WRNIP1: variants seen among roughly 807,000 people sequenced by gnomAD.
WRNIP1 encodes the protein WRN helicase interacting protein 1, also known as ATPase WRNIP1.
WRNIP1 carries 41 observed loss-of-function variants against 56.1 expected under a neutral mutation model. That is an observed-to-expected ratio of 0.73 (90% confidence interval 0.57 to 0.95). The LOEUF (loss-of-function observed/expected upper bound fraction) is 0.95. Ranked by LOEUF, WRNIP1 falls within the 40% of genes least tolerant of loss-of-function variation. The probability of loss-of-function intolerance (pLI) is 0.00; values close to 1 mark genes in which losing one functional copy is unlikely to be tolerated. For missense variants in WRNIP1, 1,170 were observed against 939.4 expected (o/e 1.25, Z -3.21); for synonymous variants, 547 against 398.1 (o/e 1.37, Z -4.45).
rs771065447 is a variant in WRNIP1 at position 2,770,381 on chromosome 6, C to A, written c.1256+20C>A. 1 of 1,613,440 alleles carries A rather than the reference C, an allele frequency of 6.2e-7. No individual in the cohort carries two copies. Among genetic ancestry groups the A allele is most frequent in the Non-Finnish European group, 8.5e-7 (1 of 1,179,678 alleles). ...CTCAGAGTAAGTTGACAGTGTGCAG[C>A]GTCCTGGGGGCACACACCTCCCAGA... On this transcript the variant is annotated intron_variant, in intron 3 of 6. Transcript: ENST00000380773.
intron 6 of WRNIP1, among the ~76,000 whole-genome samples, 188 bp downstream of exon 6, chr6:2,784,591 G>C (rs2047328354): frequency 6.6e-6 from 1 of 152,124 alleles, no homozygotes; most frequent in Non-Finnish European, 1.5e-5. Flanking sequence ...GTGTCAACGA[G>C]GTCATGTTTC....
chr6:2,785,551 T>G lies in WRNIP1; in HGVS notation c.*269T>G, dbSNP rs1420272759. 9.1e-6 allele frequency: 4 copies of G among 440,534 alleles called. No homozygotes were observed. Among genetic ancestry groups the G allele is most frequent in the Non-Finnish European group, 1.6e-5 (4 of 247,588 alleles). 27.3% of individuals were successfully genotyped at this position (440,534 alleles called of 1,614,324 possible). A position where few individuals can be genotyped will look rare whatever the true frequency, so the allele number is the denominator to read the frequency against. On this transcript the variant is annotated 3_prime_UTR_variant, in exon 7 of 7. Transcript: ENST00000380773. ...TGAATTAATGTTATAAGGAATTATC[T>G]ATTTTGTCATAGTATTTAAGTCATA...
At chr6:2,771,479 C>T (rs1765275264) in intron 3 of WRNIP1, among the ~76,000 whole-genome samples, 1 of 152,182 alleles carries the variant, frequency 6.6e-6, no homozygotes, top group African/African-American at 2.4e-5. Context: ...GACTCATACT[C>T]AGAAGTGCTT....
intron 2 of WRNIP1, 107 bp downstream of exon 2, chr6:2,768,989 A>T: frequency 8.6e-7 from 1 of 1,167,424 alleles, no homozygotes; most frequent in African/African-American, 1.6e-5. Context: ...GTTTACAAAG[A>T]AGCGTAGGCT....
rs1765687479 is a variant in WRNIP1 at position 2,785,449 on chromosome 6, G to A, written c.*167G>A. On this transcript the variant is annotated 3_prime_UTR_variant, in exon 7 of 7. Coordinates refer to ENST00000380773, the MANE Select transcript of WRNIP1 (RefSeq NM_020135.3). Reference sequence around the variant, plus strand: ...GGAGGCGCAGTTCTTTCGAATAAATGTGTAACTTTGAAATTGTGTTCATTT... The same window carrying A: ...GGAGGCGCAGTTCTTTCGAATAAATATGTAACTTTGAAATTGTGTTCATTT... 5 of 710,444 alleles carry A rather than the reference G, an allele frequency of 7.0e-6. No individual in the cohort carries two copies. The South Asian group carries it at 9.7e-5, about 14-fold the overall frequency. 44.0% of individuals were successfully genotyped at this position (710,444 alleles called of 1,614,324 possible).
rs796302493 is a variant in WRNIP1 at position 2,769,532 on chromosome 6, A to G, written c.1015-588A>G. ...TTTTTTTGTAACTTTTTAATCATAC[A>G]TAGAATATTTCACAAAACTCTACTG... is the stretch of plus-strand genomic sequence containing the variant. On this transcript the variant is annotated intron_variant, in intron 2 of 6. Transcript: ENST00000380773. 3.3e-5 allele frequency among the ~76,000 whole-genome samples: 5 copies of G among 152,274 alleles called. No homozygotes were observed. The South Asian group carries it at 8.3e-4, about 25-fold the overall frequency.
Position 2,766,033 on chromosome 6 carries a change from G to C in WRNIP1, c.411G>C (p.Lys137Asn). 1 of 1,314,522 alleles carries C rather than the reference G, an allele frequency of 7.6e-7. No individual in the cohort carries two copies. Among genetic ancestry groups the C allele is most frequent in the Non-Finnish European group, 9.7e-7 (1 of 1,034,964 alleles). 81.4% of individuals were successfully genotyped at this position (1,314,522 alleles called of 1,614,324 possible). ...PVARSSSPGR[K>N]GSGKRPAAAA... ...CCCGCTCCAGCAGCCCCGGGAGGAA[G>C]GGGTCGGGGAAGAGGCCGGCGGCCG... Residue 137 changes from lysine (K) to asparagine (N), a missense_variant, in exon 1 of 7, where the codon AAG (lysine) becomes AAC (asparagine). Coordinates refer to ENST00000380773, the MANE Select transcript of WRNIP1 (RefSeq NM_020135.3).
At chr6:2,781,305 G>A (rs1022475039) in intron 4 of WRNIP1, among the ~76,000 whole-genome samples, 3 of 152,218 alleles carry the variant, frequency 2.0e-5, no homozygotes, top group Non-Finnish European at 2.9e-5. Flanking sequence ...TAGTGCCAGC[G>A]CCTTAAGAAC....
intron 5 of WRNIP1, 60 bp downstream of exon 5, chr6:2,783,621 A>G: frequency 2.9e-6 from 2 of 693,404 alleles, no homozygotes; most frequent in Non-Finnish European, 3.6e-6. Context: ...AATGGCTAAC[A>G]GTTACATCGT....
At chr6:2,771,163 T>C (rs1326463861) in intron 3 of WRNIP1, among the ~76,000 whole-genome samples, 1 of 152,250 alleles carries the variant, frequency 6.6e-6, no homozygotes, top group Non-Finnish European at 1.5e-5. Flanking sequence ...CTGTGGACTC[T>C]GCAGCTGCTC....
intron 4 of WRNIP1, among the ~76,000 whole-genome samples, chr6:2,780,017 A>C (rs1211041244): frequency 1.3e-5 from 2 of 151,916 alleles, no homozygotes; most frequent in Non-Finnish European, 2.9e-5. Flanking sequence ...GTGTGCACTT[A>C]TCTGTTTTTG....
chr6:2,765,892 G>C lies in WRNIP1; in HGVS notation c.270G>C (p.Glu90Asp). ...LKQPATPTAA[E>D]SSEGEGEEGD... ...AGCCAGCCACCCCGACGGCAGCCGA[G>C]AGCAGCGAGGGCGAGGGTGAGGAGG... Residue 90 changes from glutamate (E) to aspartate (D), a missense_variant, in exon 1 of 7, where the codon GAG becomes GAC. Coordinates refer to ENST00000380773, the MANE Select transcript of WRNIP1 (RefSeq NM_020135.3). 3.4e-6 allele frequency: 5 copies of C among 1,453,434 alleles called. No individual in the cohort carries two copies. The highest frequency in any genetic ancestry group is 6.0e-5 in the East Asian group (2 of 33,068). 90.0% of individuals were successfully genotyped at this position (1,453,434 alleles called of 1,614,324 possible).
intron 3 of WRNIP1, among the ~76,000 whole-genome samples, chr6:2,772,698 T>C (rs975992679): frequency 2.0e-5 from 3 of 152,190 alleles, no homozygotes; most frequent in African/African-American, 4.8e-5. Context: ...TTAGGAGATA[T>C]CATAGGCCAC....
intron 4 of WRNIP1, 131 bp from the exon 5 acceptor site, chr6:2,783,275 C>A: frequency 9.6e-7 from 1 of 1,042,388 alleles, no homozygotes; most frequent in Non-Finnish European, 1.3e-6. Context: ...AAGGCAGCTG[C>A]CCAAACCTCT....
At chr6:2,783,823 T>G (rs1765641543) in intron 5 of WRNIP1, among the ~76,000 whole-genome samples, 1 of 152,130 alleles carries the variant, frequency 6.6e-6, no homozygotes, top group Non-Finnish European at 1.5e-5. Flanking sequence ...TCGGGAATGT[T>G]TTTACTAACA....
intron 4 of WRNIP1, among the ~76,000 whole-genome samples, chr6:2,783,085 C>CT (rs1554138388): frequency 6.6e-6 from 1 of 151,926 alleles, no homozygotes; most frequent in Non-Finnish European, 1.5e-5. Context: ...ACTCGTCCCC[C>CT]TCCACTCTTG....
chr6:2,770,417 G>T, intron 3 of WRNIP1, 56 bp downstream of exon 3: 1 of 1,599,996 alleles, frequency 6.3e-7, no homozygotes, highest in South Asian at 1.1e-5. Context: ...GAGTCTCCTG[G>T]CAGGGGGCCA....
chr6:2,768,022 T>C (rs1421559549), intron 1 of WRNIP1, among the ~76,000 whole-genome samples: 2 of 152,218 alleles, frequency 1.3e-5, no homozygotes, highest in Non-Finnish European at 1.5e-5. Context: ...TTAGTACTAA[T>C]AACAACATTC....
intron 3 of WRNIP1, among the ~76,000 whole-genome samples, chr6:2,777,415 G>T (rs1280445822): frequency 1.3e-5 from 2 of 152,132 alleles, no homozygotes; most frequent in African/African-American, 4.8e-5. Flanking sequence ...GATCCAATGG[G>T]GCTCCTGCTT....
Sources: gnomAD v4.1 joint callset for allele counts (sites outside exome capture counted in the v4.1 genomes callset) on GRCh38, gnomAD v4.1.1 for gene constraint, MANE v1.5 for transcripts, NCBI Gene and HGNC (gene_info 2026-07-23, HGNC 2026-07-21) for gene names.